GFOD2: variants seen among roughly 807,000 people sequenced by gnomAD.
GFOD2 encodes the protein glucose-fructose oxidoreductase domain-containing protein 2.
GFOD2 carries 9 observed loss-of-function variants against 24.6 expected under a neutral mutation model. The ratio of observed to expected loss-of-function variants is 0.37; its 90% CI spans 0.22 to 0.64. The LOEUF (loss-of-function observed/expected upper bound fraction) is 0.64. Ranked by LOEUF, GFOD2 falls within the 30% of genes least tolerant of loss-of-function variation. The pLI is 0.65. For missense variants in GFOD2, 476 were observed against 532.5 expected (o/e 0.89, Z 1.04); for synonymous variants, 211 against 224.8 (o/e 0.94, Z 0.55).
chr16:67,686,011 G>A (rs1481272756), intron 1 of GFOD2, among the ~76,000 whole-genome samples: 4 of 152,262 alleles, frequency 2.6e-5, no homozygotes, highest in Admixed American at 2.6e-4. Context: ...GCTCATGCAT[G>A]CCTGTAACCC....
Position 67,705,507 on chromosome 16 carries a change from C to G in GFOD2, c.-88+13656G>C, listed in dbSNP as rs371358530. On this transcript the variant is annotated intron_variant, in intron 1 of 2. Coordinates refer to ENST00000268797, the MANE Select transcript of GFOD2 (RefSeq NM_030819.4). ...ACAGGCGTGAGCCACTGTGCCCAGC[C>G]TACCTACAGGTTTTTTCAAGTGTCA... Among the ~76,000 whole-genome samples, 8 of 152,324 alleles carry G rather than the reference C, an allele frequency of 5.3e-5. No individual in the cohort carries two copies. In the East Asian group the frequency reaches 1.5e-3, roughly 29 times the overall value.
rs2053181215 is a variant in GFOD2, at chr16:67,675,859, T to C, written c.454A>G (p.Ile152Val). 3 of 1,614,146 alleles carry C rather than the reference T, an allele frequency of 1.9e-6. No homozygotes were observed. Among genetic ancestry groups the C allele is most frequent in the Non-Finnish European group, 2.5e-6 (3 of 1,180,034 alleles). The change falls in exon 3 of 3, where the codon ATC becomes GTC. Residue 152 changes from isoleucine to valine, a missense_variant. Coordinates refer to ENST00000268797, the MANE Select transcript of GFOD2 (RefSeq NM_030819.4). The part of the protein sequence containing the change: ...VGAVMICDAR[I>V]YSGSLLSPSY... ...GGGCTCAGCAGGCTGCCTGAGTAGA[T>C]GCGGGCATCACAGATCATCACCGCT...
At chr16:67,693,696 A>G (rs1335445781) in intron 1 of GFOD2, among the ~76,000 whole-genome samples, 1 of 152,216 alleles carries the variant, frequency 6.6e-6, no homozygotes, top group Admixed American at 6.5e-5. Context: ...ATCCACCTCC[A>G]GGACTTCATC....
At chr16:67,691,326 G>C (rs1435002997) in intron 1 of GFOD2, among the ~76,000 whole-genome samples, 2 of 152,072 alleles carry the variant, frequency 1.3e-5, no homozygotes. Context: ...TCCCACCTCA[G>C]CCTCCTGAGT....
chr16:67,683,241 A>C (rs2053241432), intron 2 of GFOD2: 1 of 1,090,288 alleles, frequency 9.2e-7, no homozygotes, highest in African/African-American at 1.6e-5. Flanking sequence ...AGAACCAGAA[A>C]AAAAGCAAGC....
chr16:67,693,365 G>A (rs983867544), intron 1 of GFOD2, among the ~76,000 whole-genome samples: 2 of 151,086 alleles, frequency 1.3e-5, no homozygotes, highest in Admixed American at 6.6e-5. Flanking sequence ...TGCAACCTCC[G>A]CCTCCTGGGT....
intron 1 of GFOD2, among the ~76,000 whole-genome samples, chr16:67,713,468 T>C (rs2053489505): frequency 6.6e-6 from 1 of 152,160 alleles, no homozygotes; most frequent in Admixed American, 6.5e-5. Context: ...AGACTTCCCC[T>C]TCCCGACTTC....
At chr16:67,689,532 G>T (rs540099964) in intron 1 of GFOD2, among the ~76,000 whole-genome samples, 2 of 151,788 alleles carry the variant, frequency 1.3e-5, no homozygotes, top group East Asian at 3.9e-4. Context: ...TTAGCCGGGC[G>T]TGGTGGCATG....
At chr16:67,685,855 G>C (rs779464589) in intron 1 of GFOD2, 53 bp from the exon 2 acceptor site, 9 of 1,084,286 alleles carry the variant, frequency 8.3e-6, no homozygotes, top group Non-Finnish European at 1.2e-5. Flanking sequence ...CTCAGCTGAG[G>C]CTACTTTCTT....
At chr16:67,705,709 C>T (rs868621589) in intron 1 of GFOD2, among the ~76,000 whole-genome samples, 2 of 151,932 alleles carry the variant, frequency 1.3e-5, no homozygotes, top group Non-Finnish European at 2.9e-5. Context: ...GAGGCCAAGG[C>T]GGGCGGATCA....
chr16:67,682,854 G>C (rs2053238436), intron 2 of GFOD2: 4 of 984,652 alleles, frequency 4.1e-6, no homozygotes, highest in Non-Finnish European at 4.8e-6. Context: ...GATTGGATCA[G>C]TGGCTCTCAA....
chr16:67,686,686 A>C (rs2142993975), intron 1 of GFOD2, among the ~76,000 whole-genome samples: 1 of 150,344 alleles, frequency 6.7e-6, no homozygotes, highest in South Asian at 2.1e-4. Context: ...AAAAAAAAAA[A>C]CTAGCCAGGT....
intron 1 of GFOD2, among the ~76,000 whole-genome samples, chr16:67,697,390 G>C (rs577221694): frequency 1.3e-5 from 2 of 152,292 alleles, no homozygotes; most frequent in South Asian, 4.1e-4. Flanking sequence ...GACTGACTTA[G>C]ATGTCTCTTC....
At chr16:67,683,578 G>A in intron 2 of GFOD2, 1 of 1,231,780 alleles carries the variant, frequency 8.1e-7, no homozygotes, top group Non-Finnish European at 1.0e-6. Flanking sequence ...TCCTCAGAGA[G>A]AGCTCTCTGG....
At chr16:67,694,278 T>C (rs1408052739) in intron 1 of GFOD2, among the ~76,000 whole-genome samples, 1 of 152,102 alleles carries the variant, frequency 6.6e-6, no homozygotes, top group Non-Finnish European at 1.5e-5. Flanking sequence ...ATTACAGGCA[T>C]GAGCCACTGA....
chr16:67,703,444 C>A (rs1039467559), intron 1 of GFOD2, among the ~76,000 whole-genome samples: 66 of 151,062 alleles, frequency 4.4e-4, no homozygotes, highest in Admixed American at 1.3e-3. Flanking sequence ...GAAAAAAAAA[C>A]CCTGTATTTC....
chr16:67,707,695 A>C (rs1287283483), intron 1 of GFOD2, among the ~76,000 whole-genome samples: 1 of 152,150 alleles, frequency 6.6e-6, no homozygotes, highest in South Asian at 2.1e-4. Context: ...ACTATTAATG[A>C]ATTTTTTTCT....
rs761655859 is a variant in GFOD2, at chr16:67,675,213, G to A, written c.1100C>T (p.Thr367Met). ...SGEWEAVEVL[T>M]EEPDTNQNLC... ...GTTCTGGTTGGTGTCGGGCTCCTCC[G>A]TCAGCACCTCCACAGCCTCCCACTC... Residue 367 changes from threonine (T) to methionine (M), a missense_variant, in exon 3 of 3, where the codon ACG becomes ATG. Thr to Met is a moderately conservative substitution (Grantham distance 81). Coordinates refer to ENST00000268797, the MANE Select transcript of GFOD2 (RefSeq NM_030819.4). 5.1e-5 allele frequency: 82 copies of A among 1,613,732 alleles called. No individual in the cohort carries two copies. The highest frequency in any genetic ancestry group is 1.3e-4 in the African/African-American group (10 of 74,914).
At chr16:67,705,293 C>T (rs773551593) in intron 1 of GFOD2, among the ~76,000 whole-genome samples, 1 of 152,098 alleles carries the variant, frequency 6.6e-6, no homozygotes, top group Non-Finnish European at 1.5e-5. Context: ...CTGCAACCTT[C>T]GCCTCCCAGG....
Sources: allele counts gnomAD v4.1 joint callset (sites outside exome capture counted in the v4.1 genomes callset), GRCh38; gene constraint gnomAD v4.1.1; transcripts MANE v1.5; gene names NCBI Gene and HGNC (gene_info 2026-07-23, HGNC 2026-07-21).